The following TMEM114 variants were observed in gnomAD, a reference collection of about 807,000 sequenced individuals.
The protein encoded by TMEM114 is transmembrane protein 114, also known as claudin-26.
Under a neutral mutation model 6.2 loss-of-function variants are expected in TMEM114, and 6 were observed. That is an observed-to-expected ratio of 0.97 (90% CI 0.53 to 1.91). TMEM114 has a LOEUF of 1.91. Among genes scored for constraint, TMEM114 ranks in the 40% most tolerant of loss-of-function variants. The probability of loss-of-function intolerance (pLI) is 0.01; values close to 1 mark genes in which losing one functional copy is unlikely to be tolerated. For missense variants in TMEM114, 218 were observed against 158.3 expected (o/e 1.38, Z -2.02); for synonymous variants, 104 against 73.0 (o/e 1.42, Z -2.16).
chr16:8,545,124 T>C (rs1418465328), intron 2 of TMEM114, among the ~76,000 whole-genome samples: 1 of 152,170 alleles, frequency 6.6e-6, no homozygotes, highest in Non-Finnish European at 1.5e-5. Context: ...TTCTCTTCTT[T>C]CTCTTATGTT....
chr16:8,526,738 T>A, the TMEM114 span: 1 of 152,296 alleles, frequency 6.6e-6, no homozygotes, highest in Non-Finnish European at 1.5e-5. Flanking sequence ...TCTCAAGTAT[T>A]TCTTTATAGC....
chr16:8,552,434 G>C (rs1047580474), intron 2 of TMEM114, among the ~76,000 whole-genome samples: 3 of 151,858 alleles, frequency 2.0e-5, no homozygotes, highest in African/African-American at 4.8e-5. Flanking sequence ...GAGCTCCTTT[G>C]AGGTGATTGA....
chr16:8,570,380 A>G (rs775822823), intron 3 of TMEM114, among the ~76,000 whole-genome samples: 1 of 151,772 alleles, frequency 6.6e-6, no homozygotes, highest in Non-Finnish European at 1.5e-5. Flanking sequence ...CAGCGGTGCG[A>G]TCTCAGCTTG....
downstream of TMEM114, among the ~76,000 whole-genome samples, chr16:8,567,232 C>G: frequency 6.6e-6 from 1 of 152,066 alleles, no homozygotes; most frequent in Non-Finnish European, 1.5e-5. Flanking sequence ...TTGTTTTCTT[C>G]ATAACACTAA....
intron 2 of TMEM114, among the ~76,000 whole-genome samples, chr16:8,586,888 C>T (rs972998047): frequency 1.3e-5 from 2 of 152,174 alleles, no homozygotes; most frequent in Non-Finnish European, 2.9e-5. Context: ...CAGAACAGAG[C>T]ACACGGTACC....
At chr16:8,589,375 C>A (rs952913411) in intron 1 of TMEM114, 82 bp from the exon 2 acceptor site, 5 of 398,678 alleles carry the variant, frequency 1.3e-5, no homozygotes, top group South Asian at 1.3e-4. Flanking sequence ...CCCCCATGCT[C>A]ACCCTAAGTG....
In TMEM114 at chr16:8,548,694, G is replaced by GTATATATATATATATATA. The variant is rs141212101; in HGVS notation, n.213-10869_213-10868insTATATATATATATATATA. Among the ~76,000 whole-genome samples, 362 of 139,944 alleles carry GTATATATATATATATATA rather than the reference G, an allele frequency of 2.6e-3. 10 individuals are homozygous for GTATATATATATATATATA. The highest frequency in any genetic ancestry group is 1.0e-2 in the African/African-American group (352 of 35,258). 91.8% of individuals were successfully genotyped at this position (139,944 alleles called of 152,430 possible). A position where few individuals can be genotyped will look rare whatever the true frequency, so the allele number is the denominator to read the frequency against. ...AGAGAAGTGAGCTAAAAATTGCCATGTATATATATACACAGAAAAAAAATA... is the reference window on the plus strand; with the variant it reads ...AGAGAAGTGAGCTAAAAATTGCCATGTATATATATATATATATATATATATATACACAGAAAAAAAATA... On this transcript the variant is annotated intron_variant and non_coding_transcript_variant, in intron 2 of 2. Transcript: ENST00000623677.
downstream of TMEM114, among the ~76,000 whole-genome samples, chr16:8,535,108 C>T (rs1199114588): frequency 6.6e-6 from 1 of 152,110 alleles, no homozygotes; most frequent in African/African-American, 2.4e-5. Flanking sequence ...TCTGAGTGTC[C>T]TCTGTGCCTA....
At chr16:8,569,020 G>A (rs887166930), downstream of TMEM114, among the ~76,000 whole-genome samples, 3 of 152,200 alleles carry the variant, frequency 2.0e-5, no homozygotes, top group Non-Finnish European at 4.4e-5. Context: ...CTTCACCCAG[G>A]CCTCCTGGCT....
chr16:8,567,282 G>T (rs1291693737), downstream of TMEM114, among the ~76,000 whole-genome samples: 1 of 152,080 alleles, frequency 6.6e-6, no homozygotes, highest in Admixed American at 6.5e-5. Flanking sequence ...TGGTTCATGG[G>T]TTTATCATCT....
At chr16:8,547,147 G>A (rs1900694677) in intron 2 of TMEM114, among the ~76,000 whole-genome samples, 1 of 152,164 alleles carries the variant, frequency 6.6e-6, no homozygotes, top group Non-Finnish European at 1.5e-5. Context: ...TACGGCTGGG[G>A]GAAAAGGGGG....
chr16:8,530,991 T>G, the TMEM114 span, among the ~76,000 whole-genome samples: 1 of 151,788 alleles, frequency 6.6e-6, no homozygotes, highest in Non-Finnish European at 1.5e-5. Flanking sequence ...GCCACTTCAC[T>G]GCAGTCCAAG....
intron 2 of TMEM114, among the ~76,000 whole-genome samples, chr16:8,548,598 C>T (rs915460587): frequency 4.6e-5 from 7 of 151,744 alleles, no homozygotes; most frequent in Non-Finnish European, 1.0e-4. Flanking sequence ...AGACCTTTTT[C>T]ACCCCCTAAG....
chr16:8,555,748 G>C (rs76335775), intron 2 of TMEM114, among the ~76,000 whole-genome samples: 1 of 152,148 alleles, frequency 6.6e-6, no homozygotes, highest in African/African-American at 2.4e-5. Flanking sequence ...GACGTTTTTG[G>C]TTGTCATAAT....
At chr16:8,582,196 G>C (rs1902176201) in intron 2 of TMEM114, among the ~76,000 whole-genome samples, 1 of 152,206 alleles carries the variant, frequency 6.6e-6, no homozygotes, top group African/African-American at 2.4e-5. Context: ...ATGCTGTGTT[G>C]GACAAGGCAT....
At chr16:8,537,161 C>T (rs1169217292), downstream of TMEM114, among the ~76,000 whole-genome samples, 1 of 151,842 alleles carries the variant, frequency 6.6e-6, no homozygotes, top group Non-Finnish European at 1.5e-5. Flanking sequence ...GCTGTGATTG[C>T]ATCACTGCAG....
chr16:8,539,882 A>G (rs938922861), intron 2 of TMEM114, among the ~76,000 whole-genome samples: 2 of 152,154 alleles, frequency 1.3e-5, no homozygotes, highest in African/African-American at 4.8e-5. Context: ...CAGTGAAACA[A>G]TCTCTCCTCA....
At chr16:8,579,468 A>ATG (rs35885245) in intron 2 of TMEM114, among the ~76,000 whole-genome samples, 7,887 of 151,994 alleles carry the variant, frequency 0.052, 266 homozygotes, top group Non-Finnish European at 0.06. Context: ...ATATATATAT[A>ATG]TGTGTGTCCT....
chr16:8,562,902 G>C (rs1307476111), intron 2 of TMEM114, among the ~76,000 whole-genome samples: 3 of 149,356 alleles, frequency 2.0e-5, no homozygotes, highest in East Asian at 3.9e-4. Flanking sequence ...ATGAGTGAAT[G>C]AGTGAGTGAA....
Sources: allele counts gnomAD v4.1 joint callset (sites outside exome capture counted in the v4.1 genomes callset), GRCh38; gene constraint gnomAD v4.1.1; transcripts MANE v1.5; gene names NCBI Gene and HGNC (gene_info 2026-07-23, HGNC 2026-07-21).